Variants in RGPD2 observed in about 807,000 individuals in gnomAD.
RGPD2 encodes RANBP2 like and GRIP domain containing 2.
RGPD2 carries 2 observed loss-of-function variants against 36.0 expected under a neutral mutation model. The ratio of observed to expected loss-of-function variants is 0.06; its 90% CI spans 0.02 to 0.17. The LOEUF (loss-of-function observed/expected upper bound fraction) is 0.17. RGPD2 is among the 10% of genes least tolerant of loss of function. The probability of loss-of-function intolerance (pLI) is 1.00; values close to 1 mark genes in which losing one functional copy is unlikely to be tolerated. For synonymous variants in RGPD2, 19 were observed against 163.8 expected (o/e 0.12, Z 6.75); for missense variants, 40 against 464.3 (o/e 0.09, Z 8.40).
the RGPD2 span, among the ~76,000 whole-genome samples, chr2:87,915,574 ATGTG>A: frequency 7.0e-6 from 1 of 143,100 alleles, no homozygotes; most frequent in East Asian, 2.0e-4. Context: ...ATACACATAT[ATGTG>A]TGTGTATATA....
the RGPD2 span, among the ~76,000 whole-genome samples, chr2:87,945,163 G>A: frequency 6.6e-6 from 1 of 152,228 alleles, no homozygotes; most frequent in Non-Finnish European, 1.5e-5. Context: ...GTTTATGTGG[G>A]AAGCAATGTA....
chr2:87,809,423 C>A (rs1320294350), intron 6 of RGPD2, among the ~76,000 whole-genome samples: 1 of 145,742 alleles, frequency 6.9e-6, no homozygotes, highest in Non-Finnish European at 1.5e-5. Flanking sequence ...AATCCCAACA[C>A]TTTGGGAGGC....
rs550129802 is a variant in RGPD2 at position 87,769,361 on chromosome 2, TC to T, written c.5236+2807del. On this transcript the variant is annotated intron_variant, in intron 22 of 22. Transcript: ENST00000398146. ...TTGTAATAAGGTCTCTTTTATGTACTCACATTGATAAGAGACAAGTAGGAAA... is the reference window on the plus strand; with the variant it reads ...TTGTAATAAGGTCTCTTTTATGTACTACATTGATAAGAGACAAGTAGGAAA... Among the ~76,000 whole-genome samples the T allele has an allele frequency of 9.2e-5, 14 of 152,262 alleles. No homozygotes were observed. The South Asian group carries it at 2.5e-3, about 27-fold the overall frequency.
At chr2:87,845,609 T>C in the RGPD2 span, among the ~76,000 whole-genome samples, 2 of 150,394 alleles carry the variant, frequency 1.3e-5, no homozygotes, top group South Asian at 4.3e-4. Context: ...TGTGTTATTA[T>C]CTATAAGGTC....
the RGPD2 span, among the ~76,000 whole-genome samples, chr2:87,979,091 A>G: frequency 6.6e-6 from 1 of 150,970 alleles, no homozygotes; most frequent in African/African-American, 2.4e-5. Flanking sequence ...AAAATTAGCC[A>G]GGCATGGTGG....
the RGPD2 span, among the ~76,000 whole-genome samples, chr2:87,855,432 G>A: frequency 0.026 from 3,777 of 144,874 alleles, 43 homozygotes; most frequent in Middle Eastern, 0.056. Context: ...AATACGAAAT[G>A]TGCCCAATAT....
chr2:87,972,418 C>T, the RGPD2 span, among the ~76,000 whole-genome samples: 1 of 116,176 alleles, frequency 8.6e-6, no homozygotes, highest in South Asian at 3.5e-4. Flanking sequence ...GAATACATTC[C>T]CTGATGTAAA....
the RGPD2 span, among the ~76,000 whole-genome samples, chr2:87,988,643 C>G: frequency 4.3e-4 from 64 of 150,116 alleles, no homozygotes; most frequent in Middle Eastern, 3.4e-3. Flanking sequence ...TGGGTTCAAG[C>G]AATTCTCCTG....
chr2:87,973,788 T>C, the RGPD2 span, among the ~76,000 whole-genome samples: 7 of 150,516 alleles, frequency 4.7e-5, no homozygotes, highest in South Asian at 1.5e-3. Context: ...TACCAATCTG[T>C]TGTCTGTTTC....
At chr2:87,877,313 T>A in the RGPD2 span, among the ~76,000 whole-genome samples, 1 of 152,250 alleles carries the variant, frequency 6.6e-6, no homozygotes, top group African/African-American at 2.4e-5. Context: ...GTCTTTGTAC[T>A]TCAGTGTGTT....
At chr2:87,972,667 C>T in the RGPD2 span, 481 of 1,507,850 alleles carry the variant, frequency 3.2e-4, 1 homozygote, top group East Asian at 6.1e-3. Flanking sequence ...TGGCTCGGGC[C>T]AGCAGCGGGA....
At chr2:87,849,389 T>C in the RGPD2 span, among the ~76,000 whole-genome samples, 1 of 152,186 alleles carries the variant, frequency 6.6e-6, no homozygotes, top group Non-Finnish European at 1.5e-5. Context: ...TGACATAGCA[T>C]ACAATTACTA....
At chr2:87,846,252 A>G in the RGPD2 span, among the ~76,000 whole-genome samples, 1,169 of 126,742 alleles carry the variant, frequency 9.2e-3, no homozygotes, top group Middle Eastern at 0.021. Context: ...GATGTATACG[A>G]AGGTAAGAAA....
At chr2:87,988,145 A>G in the RGPD2 span, among the ~76,000 whole-genome samples, 1 of 149,266 alleles carries the variant, frequency 6.7e-6, no homozygotes, top group African/African-American at 2.5e-5. Context: ...ACTTCCTTAT[A>G]TCATACAGGC....
chr2:87,853,680 G>A, the RGPD2 span, among the ~76,000 whole-genome samples: 1 of 150,510 alleles, frequency 6.6e-6, no homozygotes, highest in Non-Finnish European at 1.5e-5. Flanking sequence ...TGATGAAATT[G>A]GTATCATCCC....
the RGPD2 span, among the ~76,000 whole-genome samples, chr2:87,965,847 TTAA>T: frequency 8.1e-6 from 1 of 123,188 alleles, no homozygotes; most frequent in Admixed American, 9.5e-5. Flanking sequence ...CAAAACTTGG[TTAA>T]TAATGCTGAC....
the RGPD2 span, among the ~76,000 whole-genome samples, chr2:87,940,631 T>TG: frequency 2.5e-5 from 2 of 80,312 alleles, no homozygotes; most frequent in South Asian, 8.5e-4. Flanking sequence ...AAATTTTCTG[T>TG]TTGTGTGTGT....
the RGPD2 span, among the ~76,000 whole-genome samples, chr2:87,983,238 C>T: frequency 4.6e-5 from 7 of 152,040 alleles, no homozygotes; most frequent in African/African-American, 9.7e-5. Flanking sequence ...AAGAATCGCT[C>T]CAACTTAGGA....
chr2:87,831,344 T>A, the RGPD2 span, among the ~76,000 whole-genome samples: 15 of 152,210 alleles, frequency 9.9e-5, no homozygotes, highest in Non-Finnish European at 2.1e-4. Context: ...CTAACATATA[T>A]GTTGTTAGAG....
Sources: allele counts gnomAD v4.1 joint callset (sites outside exome capture counted in the v4.1 genomes callset), GRCh38; gene constraint gnomAD v4.1.1; transcripts MANE v1.5; gene names NCBI Gene and HGNC (gene_info 2026-07-23, HGNC 2026-07-21).